Variants in PSD3 observed in about 807,000 individuals in gnomAD.
PSD3 encodes pleckstrin and Sec7 domain containing 3, also known as PH and SEC7 domain-containing protein 3.
In PSD3, 49 loss-of-function variants were observed where a neutral mutation model predicts 105.5. The observed-to-expected ratio is 0.46, with a 90% CI of 0.37 to 0.59. The LOEUF (loss-of-function observed/expected upper bound fraction) is 0.59. Ranked by LOEUF, PSD3 falls within the 20% of genes least tolerant of loss-of-function variation. PSD3 has a pLI of 0.00. For missense variants in PSD3, 1,561 were observed against 1,263.8 expected, an observed-to-expected ratio of 1.24 and a Z score of -3.57; for synonymous variants, 557 against 457.8, an observed-to-expected ratio of 1.22 and a Z score of -2.77.
Position 18,813,331 on chromosome 8 carries a change from C to A in PSD3, c.1635-8433G>T, listed in dbSNP as rs368121564. ...AGACCAGGAGTTTGGTTCGAAGAAA[C>A]GATAGGTACAAGGTACACACAGGTT... On this transcript the variant is annotated intron_variant, in intron 4 of 15. Transcript: ENST00000327040. 2.2e-4 allele frequency among the ~76,000 whole-genome samples: 34 copies of A among 152,206 alleles called. No homozygotes were observed. The South Asian group carries it at 7.1e-3, about 32-fold the overall frequency.
chr8:18,885,671 T>C (rs1190884786), intron 2 of PSD3, among the ~76,000 whole-genome samples: 1 of 152,196 alleles, frequency 6.6e-6, no homozygotes, highest in African/African-American at 2.4e-5. Context: ...GTAGTTTTCA[T>C]GCTCAATAAG....
chr8:18,982,410 T>C (rs1056201212), intron 1 of PSD3, among the ~76,000 whole-genome samples: 22 of 152,248 alleles, frequency 1.4e-4, no homozygotes, highest in Admixed American at 1.4e-3. Context: ...TGTCCTCCAA[T>C]GAATCACAAA....
At chr8:18,678,133 A>C (rs533442011) in intron 9 of PSD3, among the ~76,000 whole-genome samples, 1 of 152,324 alleles carries the variant, frequency 6.6e-6, no homozygotes, top group African/African-American at 2.4e-5. Flanking sequence ...AAAGAAAAAT[A>C]GGCTTCTGAA....
intron 9 of PSD3, among the ~76,000 whole-genome samples, chr8:18,754,153 G>A (rs1805830407): frequency 6.6e-6 from 1 of 152,206 alleles, no homozygotes; most frequent in Admixed American, 6.5e-5. Context: ...GGAAGCCGAG[G>A]TGGGTGGATT....
chr8:18,727,583 C>CACACAT (rs397816003), intron 9 of PSD3, among the ~76,000 whole-genome samples: 1 of 147,588 alleles, frequency 6.8e-6, no homozygotes, highest in African/African-American at 2.5e-5. Context: ...CACACACACA[C>CACACAT]GCACGCACAC....
intron 1 of PSD3, among the ~76,000 whole-genome samples, chr8:19,026,791 T>C (rs1586642924): frequency 6.6e-6 from 1 of 151,468 alleles, no homozygotes. Flanking sequence ...GAGGATCGCT[T>C]GAGTCCAGGA....
At chr8:18,986,625 T>C (rs1252221079) in intron 1 of PSD3, among the ~76,000 whole-genome samples, 1 of 152,158 alleles carries the variant, frequency 6.6e-6, no homozygotes. Flanking sequence ...AATGGTGCTG[T>C]ATTTCCTTAT....
In PSD3 at chr8:18,804,800, G is replaced by A; in HGVS notation, c.1733C>T (p.Thr578Ile). The A allele has an allele frequency of 6.2e-7, 1 of 1,614,030 alleles. No homozygotes were observed. Among genetic ancestry groups the A allele is most frequent in the Non-Finnish European group, 8.5e-7 (1 of 1,179,948 alleles). Residue 578 changes from threonine (T) to isoleucine (I), a missense_variant, in exon 5 of 16, where the codon ACC becomes ATC. Thr to Ile is a moderately conservative substitution (Grantham distance 89). Coordinates refer to ENST00000327040, the MANE Select transcript of PSD3 (RefSeq NM_015310.4). ...KETPENLSNG[T>I]SSNVEAAKRL... ...TTTGGCTGCTTCCACATTGCTGCTG[G>A]TACCATTACTGAGATTTTCTGGGGT...
intron 8 of PSD3, among the ~76,000 whole-genome samples, chr8:18,788,948 T>G (rs960130401): frequency 3.3e-5 from 5 of 152,276 alleles, no homozygotes; most frequent in Non-Finnish European, 7.3e-5. Context: ...GGACCCTTTG[T>G]AAATTTTAAA....
chr8:18,871,680 T>C lies in PSD3; in HGVS notation c.1184A>G (p.Gln395Arg), dbSNP rs763368781. The C allele has an allele frequency of 2.2e-5, 35 of 1,613,830 alleles. No individual in the cohort carries two copies. The highest frequency in any genetic ancestry group is 3.0e-5 in the Non-Finnish European group (35 of 1,179,866). Residue 395 changes from glutamine (Q) to arginine (R), a missense_variant, in exon 3 of 16, where the codon CAG becomes CGG. By Grantham distance (43) the Gln-to-Arg change is conservative (BLOSUM62 1). Coordinates refer to ENST00000327040, the MANE Select transcript of PSD3 (RefSeq NM_015310.4). ...CTTCTCAAGATGCTGTTTGTTTTCC[T>C]GTAGGAAGACTTCATCCTCTCCACT... ...DESGEDEVFLQENKQHLEKTP... is the reference protein window; with the variant it reads ...DESGEDEVFLRENKQHLEKTP...
intron 14 of PSD3, among the ~76,000 whole-genome samples, chr8:18,570,920 C>A (rs1048205382): frequency 5.3e-5 from 8 of 151,622 alleles, no homozygotes; most frequent in African/African-American, 1.9e-4. Context: ...AATGCAGTGG[C>A]ATGATCTCGG....
chr8:18,553,021 G>A (rs886563281), intron 15 of PSD3, among the ~76,000 whole-genome samples: 1 of 152,090 alleles, frequency 6.6e-6, no homozygotes, highest in African/African-American at 2.4e-5. Context: ...CAGTTTCTAA[G>A]GCATAGAAAG....
At chr8:18,987,887 G>C (rs920642330) in intron 1 of PSD3, among the ~76,000 whole-genome samples, 1 of 152,044 alleles carries the variant, frequency 6.6e-6, no homozygotes, top group African/African-American at 2.4e-5. Context: ...CTAAATCTGA[G>C]TGTACACAAA....
At chr8:18,799,479 G>C in intron 7 of PSD3, 126 bp from the exon 8 acceptor site, 1 of 721,920 alleles carries the variant, frequency 1.4e-6, no homozygotes, top group Non-Finnish European at 2.3e-6. Flanking sequence ...AATTAGTCCT[G>C]TTTTAAGAAA....
intron 2 of PSD3, among the ~76,000 whole-genome samples, chr8:18,905,987 ATATT>A (rs1716940570): frequency 6.6e-6 from 1 of 152,238 alleles, no homozygotes; most frequent in African/African-American, 2.4e-5. Flanking sequence ...ATAACAATAT[ATATT>A]CAGTAACTGA....
intron 9 of PSD3, among the ~76,000 whole-genome samples, chr8:18,720,455 A>T (rs1802892700): frequency 2.6e-5 from 4 of 152,200 alleles, no homozygotes; most frequent in Admixed American, 6.5e-5. Context: ...CAGAGTTAAA[A>T]ACAACAACAA....
At chr8:18,908,445 A>T (rs574054976) in intron 2 of PSD3, among the ~76,000 whole-genome samples, 106 of 152,178 alleles carry the variant, frequency 7.0e-4, no homozygotes, top group Admixed American at 2.1e-3. Flanking sequence ...CTTTCCATGT[A>T]TTCAAATAAT....
chr8:18,751,314 A>G (rs1420669191), intron 9 of PSD3, among the ~76,000 whole-genome samples: 3 of 152,188 alleles, frequency 2.0e-5, no homozygotes, highest in Non-Finnish European at 4.4e-5. Context: ...AACGATCCTT[A>G]CAAGATCACC....
intron 1 of PSD3, among the ~76,000 whole-genome samples, chr8:18,957,587 C>A (rs921162283): frequency 6.6e-6 from 1 of 152,158 alleles, no homozygotes; most frequent in Non-Finnish European, 1.5e-5. Flanking sequence ...ACAATTCTTT[C>A]ACCTATTCCA....
Sources: allele counts gnomAD v4.1 joint callset (sites outside exome capture counted in the v4.1 genomes callset), GRCh38; gene constraint gnomAD v4.1.1; transcripts MANE v1.5; gene names NCBI Gene and HGNC (gene_info 2026-07-23, HGNC 2026-07-21).